The following WWOX variants were observed in gnomAD, a reference collection of about 807,000 sequenced individuals.
The protein encoded by WWOX is WW domain containing oxidoreductase.
WWOX carries 69 observed loss-of-function variants against 46.2 expected under a neutral mutation model. The observed-to-expected ratio is 1.49, with a 90% CI of 1.23 to 1.82. WWOX has a LOEUF of 1.82. Ranked by LOEUF, WWOX falls within the 40% of genes most tolerant of loss-of-function variation. WWOX has a pLI of 0.00. For missense variants in WWOX, 919 were observed against 542.6 expected (o/e 1.69, Z -6.89); for synonymous variants, 359 against 202.6 (o/e 1.77, Z -6.56).
intron 8 of WWOX, among the ~76,000 whole-genome samples, chr16:78,742,175 C>G (rs766561976): frequency 1.5e-4 from 23 of 152,172 alleles, no homozygotes; most frequent in Non-Finnish European, 2.9e-4. Context: ...GTAGATTGTA[C>G]ATCGTTTGTC....
chr16:79,182,655 C>G (rs1402388457), intron 8 of WWOX, among the ~76,000 whole-genome samples: 1 of 152,180 alleles, frequency 6.6e-6, no homozygotes, highest in Non-Finnish European at 1.5e-5. Flanking sequence ...GACCCCTCCT[C>G]TTGCAAGCTT....
chr16:78,266,760 C>T (rs1367132536), intron 5 of WWOX, among the ~76,000 whole-genome samples: 4 of 143,166 alleles, frequency 2.8e-5, no homozygotes, highest in African/African-American at 5.1e-5. Flanking sequence ...GTAATAAGTG[C>T]TTGATAAATG....
intron 8 of WWOX, among the ~76,000 whole-genome samples, chr16:78,951,094 C>T (rs548318671): frequency 6.6e-6 from 1 of 152,264 alleles, no homozygotes; most frequent in South Asian, 2.1e-4. Context: ...TTTTCCATTG[C>T]CAGTAACAAA....
chr16:78,487,123 T>C (rs2151456106), intron 8 of WWOX, among the ~76,000 whole-genome samples: 1 of 152,360 alleles, frequency 6.6e-6, no homozygotes, highest in South Asian at 2.1e-4. Flanking sequence ...GATGATTCTA[T>C]AACAACAGCA....
At chr16:79,081,753 G>T (rs899905323) in intron 8 of WWOX, among the ~76,000 whole-genome samples, 5 of 152,064 alleles carry the variant, frequency 3.3e-5, no homozygotes, top group African/African-American at 1.2e-4. Flanking sequence ...GGCTTGCGGG[G>T]GCTCCTGTCT....
At chr16:78,419,133 A>G (rs570688710) in intron 6 of WWOX, among the ~76,000 whole-genome samples, 1 of 152,224 alleles carries the variant, frequency 6.6e-6, no homozygotes, top group Non-Finnish European at 1.5e-5. Flanking sequence ...GCGTAAGTCA[A>G]TTGTATTTCT....
intron 8 of WWOX, among the ~76,000 whole-genome samples, chr16:78,922,403 GTC>G (rs558693916): frequency 1.1e-3 from 160 of 145,782 alleles, no homozygotes; most frequent in African/African-American, 3.8e-3. Context: ...TTTTGAGACA[GTC>G]TCTCATTCTG....
chr16:78,427,884 A>C (rs1436870859), intron 7 of WWOX, among the ~76,000 whole-genome samples: 3 of 152,234 alleles, frequency 2.0e-5, no homozygotes, highest in Non-Finnish European at 4.4e-5. Flanking sequence ...CCTAGCCAGC[A>C]TGGCGAAACC....
At position 78,367,965 on chromosome 16, in the gene WWOX, C is replaced by T. The variant is rs934292143; in HGVS notation, c.517-18895C>T. 4.6e-5 allele frequency among the ~76,000 whole-genome samples: 7 copies of T among 152,180 alleles called. 1 individual carries two copies. The highest frequency in any genetic ancestry group is 1.4e-4 in the African/African-American group (6 of 41,516). On this transcript the variant is annotated intron_variant, in intron 5 of 8. Coordinates refer to ENST00000566780, the MANE Select transcript of WWOX (RefSeq NM_016373.4). ...GGAGACGGGATTTCACCATGTTGGT[C>T]AGGCTGGTGTCAAACTCCTGATCTT... is the stretch of plus-strand genomic sequence containing the variant.
chr16:78,439,369 A>G (rs560437501), intron 8 of WWOX, among the ~76,000 whole-genome samples: 25 of 152,266 alleles, frequency 1.6e-4, no homozygotes, highest in Admixed American at 1.2e-3. Flanking sequence ...TTGTCTGTCA[A>G]CAGAAGGACC....
chr16:78,283,076 G>A (rs1323949246), intron 5 of WWOX, among the ~76,000 whole-genome samples: 1 of 151,982 alleles, frequency 6.6e-6, no homozygotes, highest in Non-Finnish European at 1.5e-5. Context: ...AGAGGGCGGC[G>A]TGGACATAGC....
intron 8 of WWOX, among the ~76,000 whole-genome samples, chr16:78,915,453 T>C (rs1567646288): frequency 6.6e-6 from 1 of 152,158 alleles, no homozygotes; most frequent in Non-Finnish European, 1.5e-5. Context: ...ATGACTTGAT[T>C]GTTAGTAATG....
rs151112375 is a variant in WWOX at position 78,618,215 on chromosome 16, C to T, written c.1056+185463C>T. 5.4e-3 allele frequency among the ~76,000 whole-genome samples: 817 copies of T among 152,310 alleles called. 4 individuals carry two copies. Among genetic ancestry groups the T allele is most frequent in the Admixed American group, 0.011 (169 of 15,306 alleles). On this transcript the variant is annotated intron_variant, in intron 8 of 8. Coordinates refer to ENST00000566780, the MANE Select transcript of WWOX (RefSeq NM_016373.4). ...TGATTCTAAAGTCCTTGCTCTCCAA[C>T]CTCTGTCCATCTGAAATGGAAAAGC...
rs1295085213 is a variant in WWOX at position 79,170,207 on chromosome 16, C to A, written c.1057-41401C>A. ...GATTCCCGGTAGAATGTCCTATGTT[C>A]CTTTTGCACATTTCTCCTTACAAAC... is the stretch of plus-strand genomic sequence containing the variant. On this transcript the variant is annotated intron_variant, in intron 8 of 8. Transcript: ENST00000566780. 2.0e-5 allele frequency among the ~76,000 whole-genome samples: 3 copies of A among 152,162 alleles called. No individual in the cohort carries two copies. In the East Asian group the frequency reaches 5.8e-4, roughly 29 times the overall value.
intron 6 of WWOX, among the ~76,000 whole-genome samples, chr16:78,417,658 C>T (rs1246190700): frequency 6.6e-6 from 1 of 152,212 alleles, no homozygotes; most frequent in East Asian, 1.9e-4. Context: ...TCCTGTCTTA[C>T]TACAATATAT....
chr16:79,149,002 C>T (rs1597420206), intron 8 of WWOX, among the ~76,000 whole-genome samples: 2 of 152,082 alleles, frequency 1.3e-5, no homozygotes, highest in Admixed American at 6.5e-5. Context: ...AATTTTATTT[C>T]TTCCTTTATA....
intron 8 of WWOX, among the ~76,000 whole-genome samples, chr16:78,652,408 CAAAAAAAAAAAAA>C (rs747993811): frequency 2.8e-5 from 3 of 107,500 alleles, no homozygotes; most frequent in Admixed American, 8.6e-5. Flanking sequence ...GACTCCGTCT[CAAAAAAAAAAAAA>C]AAAAAAAAAA....
intron 8 of WWOX, among the ~76,000 whole-genome samples, chr16:78,635,829 G>C (rs1357038597): frequency 6.6e-6 from 1 of 152,284 alleles, no homozygotes; most frequent in East Asian, 1.9e-4. Flanking sequence ...AATCTCAGAA[G>C]TTGGCGTTTC....
intron 5 of WWOX, among the ~76,000 whole-genome samples, chr16:78,208,719 C>G (rs1275672370): frequency 6.6e-6 from 1 of 152,156 alleles, no homozygotes; most frequent in Non-Finnish European, 1.5e-5. Context: ...GTTTGAAGCT[C>G]ACTTCAATGG....
Sources: gnomAD v4.1 joint callset for allele counts (sites outside exome capture counted in the v4.1 genomes callset) on GRCh38, gnomAD v4.1.1 for gene constraint, MANE v1.5 for transcripts, NCBI Gene and HGNC (gene_info 2026-07-23, HGNC 2026-07-21) for gene names.